Variants in MACF1 observed in about 807,000 individuals in gnomAD.
The protein encoded by MACF1 is microtubule actin crosslinking factor 1.
A neutral mutation model predicts 854.8 loss-of-function variants in MACF1; 193 were observed. The ratio of observed to expected loss-of-function variants is 0.23; its 90% CI spans 0.20 to 0.25. The LOEUF is 0.25. Among genes scored for constraint, MACF1 ranks in the 10% least tolerant of loss-of-function variants. The pLI is 1.00. For synonymous variants in MACF1, 3,185 were observed against 3,226.7 expected (o/e 0.99, Z 0.44); for missense variants, 7,722 against 8,929.1 (o/e 0.86, Z 5.45).
At chr1:39,405,860 C>T (rs1052176431) in intron 58 of MACF1, among the ~76,000 whole-genome samples, 2 of 151,178 alleles carry the variant, frequency 1.3e-5, no homozygotes, top group African/African-American at 4.9e-5. Flanking sequence ...AGTTTATACA[C>T]AGCATGTGAA....
chr1:39,093,043 G>A (rs542738276), intron 2 of MACF1, among the ~76,000 whole-genome samples: 2 of 151,922 alleles, frequency 1.3e-5, no homozygotes, highest in Non-Finnish European at 2.9e-5. Flanking sequence ...CTGGGCCTCC[G>A]AAAGTGCTGG....
At chr1:39,126,723 A>G (rs762085589) in intron 2 of MACF1, among the ~76,000 whole-genome samples, 8 of 151,710 alleles carry the variant, frequency 5.3e-5, no homozygotes, top group Non-Finnish European at 7.4e-5. Flanking sequence ...GGAGGCAGAG[A>G]TTGCGGTGAG....
rs779544005 is a variant in MACF1 at position 39,385,546 on chromosome 1, A to G, written c.13961A>G (p.Gln4654Arg). ...GTCTCTCTGTCCACCAGCCAAGTAC[A>G]GAAAGAACTCCAGAGCATCAATCAG... Reference protein sequence around the residue: ...GDVSLSTSQVQKELQSINQKW... With the variant: ...GDVSLSTSQVRKELQSINQKW... Residue 4654 changes from glutamine (Q) to arginine (R), a missense_variant, in exon 57 of 101, where the codon CAG (glutamine) becomes CGG (arginine). Gln to Arg is a conservative substitution (Grantham distance 43, BLOSUM62 1). Transcript: ENST00000564288. 1 of 1,614,216 alleles carries G rather than the reference A, an allele frequency of 6.2e-7. No homozygotes were observed.
chr1:39,098,841 TG>T (rs955195214), intron 2 of MACF1, among the ~76,000 whole-genome samples: 1 of 152,182 alleles, frequency 6.6e-6, no homozygotes, highest in Non-Finnish European at 1.5e-5. Context: ...GAGGGCAGCA[TG>T]AGAGCAGGCA....
At chr1:39,323,116 G>C (rs1198849622) in intron 33 of MACF1, 108 bp downstream of exon 33, 1 of 952,308 alleles carries the variant, frequency 1.1e-6, no homozygotes, top group African/African-American at 1.6e-5. Context: ...GAGTTGGGAG[G>C]ATTACTTGAG....
At chr1:39,431,031 T>C in intron 66 of MACF1, 123 bp downstream of exon 66, 1 of 903,564 alleles carries the variant, frequency 1.1e-6, no homozygotes, top group Non-Finnish European at 1.7e-6. Flanking sequence ...TCTGGTGGAA[T>C]AAATATGTTT....
chr1:39,161,821 C>T (rs531679372), intron 2 of MACF1, among the ~76,000 whole-genome samples: 2 of 151,492 alleles, frequency 1.3e-5, no homozygotes, highest in Non-Finnish European at 2.9e-5. Context: ...GAGCAGAGAT[C>T]GTGCCACTGC....
Position 39,205,017 on chromosome 1 carries a change from C to A in MACF1, c.-6C>A. 2.8e-6 allele frequency: 2 copies of A among 702,978 alleles called. No individual in the cohort carries two copies. The allele number at this position is 702,978 out of a possible 1,614,324, so 43.5% of individuals were successfully genotyped here. Reference sequence around the variant, plus strand: ...ACTCAAGGGAGGAGAAAGGACGGGCCTGGAAATGCCCCTCTTAGATTCATC... The same window carrying A: ...ACTCAAGGGAGGAGAAAGGACGGGCATGGAAATGCCCCTCTTAGATTCATC... On this transcript the variant is annotated 5_prime_UTR_variant, in exon 1 of 101. The change creates a new upstream start codon in the 5' untranslated region. Coordinates refer to ENST00000564288, the MANE Select transcript of MACF1 (RefSeq NM_001394062.1).
chr1:39,433,182 ATTG>A, intron 68 of MACF1, 27 bp downstream of exon 68: 1 of 1,383,148 alleles, frequency 7.2e-7, no homozygotes, highest in South Asian at 1.2e-5. Context: ...TATTTGCCAT[ATTG>A]TTCCTGTTTT....
intron 57 of MACF1, 91 bp from the exon 58 acceptor site, chr1:39,387,096 T>A (rs566699661): frequency 1.4e-6 from 2 of 1,422,194 alleles, no homozygotes; most frequent in East Asian, 4.6e-5. Flanking sequence ...ATTAGTTCCC[T>A]TCCCCCAAGA....
At position 39,334,184 on chromosome 1, in the gene MACF1, C is replaced by T. The variant is rs770166145; in HGVS notation, c.7596C>T (p.Ala2532=). Residue 2532 remains alanine (A), a synonymous_variant, in exon 37 of 101, where the codon GCC becomes GCT. Transcript: ENST00000564288. The part of the protein sequence containing the change: ...FRHGLIGEDL[A]EKLKRVENLN... ...ATGGCTTAATTGGTGAAGATTTAGC[C>T]GAGAAACTCAAAAGAGTTGAGAACT... 16 of 1,613,802 alleles carry T rather than the reference C, an allele frequency of 9.9e-6. No individual in the cohort carries two copies. Among genetic ancestry groups the T allele is most frequent in the Admixed American group, 3.3e-5 (2 of 59,976 alleles).
At position 39,460,769 on chromosome 1, in the gene MACF1, G is replaced by A. The variant is rs1347491874; in HGVS notation, c.21498G>A (p.Glu7166=). The A allele has an allele frequency of 6.2e-7, 1 of 1,614,098 alleles. No individual in the cohort carries two copies. The highest frequency in any genetic ancestry group is 1.3e-5 in the African/African-American group (1 of 74,934). Residue 7166 remains glutamate (E), a synonymous_variant, in exon 92 of 101, where the codon GAG becomes GAA. Coordinates refer to ENST00000564288, the MANE Select transcript of MACF1 (RefSeq NM_001394062.1). The surrounding 1 kb of genome is among the most constrained non-coding windows in gnomAD (Gnocchi z 4.1). ...KDQDGKITRQ[E]FIDGILASKF... The stretch of plus-strand genomic sequence containing the variant: ...AGGATGGGAAGATAACACGTCAGGA[G>A]TTTATCGATGGCATTTTAGCATCCA...
intron 2 of MACF1, among the ~76,000 whole-genome samples, chr1:39,243,609 C>T (rs1644949217): frequency 6.6e-6 from 1 of 152,138 alleles, no homozygotes; most frequent in African/African-American, 2.4e-5. Flanking sequence ...CACTGTGTTG[C>T]CCTGACTGGT....
At chr1:39,290,340 G>T (rs575499787) in intron 15 of MACF1, among the ~76,000 whole-genome samples, 1 of 152,238 alleles carries the variant, frequency 6.6e-6, no homozygotes, top group South Asian at 2.1e-4. Context: ...TGAGTTCATT[G>T]TAGGTGTATG....
chr1:39,406,693 C>T (rs949593070), intron 58 of MACF1, among the ~76,000 whole-genome samples: 1 of 144,052 alleles, frequency 6.9e-6, no homozygotes, highest in African/African-American at 2.7e-5. Context: ...CAAGATTGCG[C>T]CACTGCACTC....
At position 39,300,230 on chromosome 1, in the gene MACF1, A is replaced by G; in HGVS notation, c.2502A>G (p.Ile834Met). The G allele has an allele frequency of 1.2e-6, 2 of 1,613,982 alleles. No homozygotes were observed. Among genetic ancestry groups the G allele is most frequent in the Non-Finnish European group, 1.7e-6 (2 of 1,179,958 alleles). Residue 834 changes from isoleucine to methionine, a missense_variant, in exon 22 of 101, where the codon ATA becomes ATG. By Grantham distance (10) the Ile-to-Met change is conservative (BLOSUM62 1). Transcript: ENST00000564288. ...TGTAGGATGAAAAGGAGCAGCTTAT[A>G]CAGTCCAAGAGTTCCGTTGCCAGTC... ...QDSMDEKEQL[I>M]QSKSSVASLV...
chr1:39,348,582 C>A lies in MACF1; in HGVS notation c.10816-896C>A, dbSNP rs1199806527. Among the ~76,000 whole-genome samples the A allele has an allele frequency of 2.0e-5, 3 of 152,184 alleles. No homozygotes were observed. The East Asian group carries it at 5.8e-4, about 29-fold the overall frequency. On this transcript the variant is annotated intron_variant, in intron 41 of 100. Coordinates refer to ENST00000564288, the MANE Select transcript of MACF1 (RefSeq NM_001394062.1). The stretch of plus-strand genomic sequence containing the variant: ...TACAGCTGAAGAGCTCTTAGGAGTT[C>A]TCTTCCAGAGCCCTTCTATTTGTCC...
In MACF1 at chr1:39,165,819, A is replaced by G. The variant is rs189822512; in HGVS notation, c.221-65363A>G. Among the ~76,000 whole-genome samples, 67 of 152,316 alleles carry G rather than the reference A, an allele frequency of 4.4e-4. 1 individual carries two copies. Among genetic ancestry groups the G allele is most frequent in the Middle Eastern group, 3.4e-3 (1 of 294 alleles). On this transcript the variant is annotated intron_variant, in intron 2 of 93. Coordinates refer to the MACF1 transcript ENST00000361689. ...CATCTTTTGCTCATTGTGGAATGGC[A>G]GGAACCTTTTGGACTTCTTGGTTTG...
At chr1:39,194,823 C>G (rs749721505) in intron 2 of MACF1, among the ~76,000 whole-genome samples, 4 of 151,966 alleles carry the variant, frequency 2.6e-5, no homozygotes, top group Non-Finnish European at 5.9e-5. Flanking sequence ...TCCCAAGTAG[C>G]TAGAACTACA....
Sources: allele counts gnomAD v4.1 joint callset (sites outside exome capture counted in the v4.1 genomes callset), GRCh38; gene constraint gnomAD v4.1.1; non-coding constraint Gnocchi (gnomAD v3.1); transcripts MANE v1.5; gene names NCBI Gene and HGNC (gene_info 2026-07-23, HGNC 2026-07-21).